TAFA2: variants seen among roughly 807,000 people sequenced by gnomAD.
TAFA2 encodes TAFA chemokine like family member 2, also known as chemokine-like protein TAFA-2.
In TAFA2, 7 loss-of-function variants were observed where a neutral mutation model predicts 18.8. The ratio of observed to expected loss-of-function variants is 0.37; its 90% CI spans 0.21 to 0.70. The LOEUF (loss-of-function observed/expected upper bound fraction) is 0.70, where lower values mean the gene tolerates loss of function less well. Among genes scored for constraint, TAFA2 ranks in the 30% least tolerant of loss-of-function variants. The pLI, the probability that TAFA2 is intolerant of heterozygous loss-of-function variation, is 0.53. For synonymous variants in TAFA2, 60 were observed against 54.2 expected, an observed-to-expected ratio of 1.11 and a Z score of -0.47; for missense variants, 122 against 158.1, an observed-to-expected ratio of 0.77 and a Z score of 1.23.
chr12:62,212,908 A>T (rs887455029), intron 1 of TAFA2, among the ~76,000 whole-genome samples: 8 of 152,238 alleles, frequency 5.3e-5, no homozygotes, highest in Non-Finnish European at 1.2e-4. Flanking sequence ...TATTAACAGA[A>T]GATTAAAACT....
chr12:61,903,946 A>G (rs193158907), intron 1 of TAFA2, among the ~76,000 whole-genome samples: 28 of 152,298 alleles, frequency 1.8e-4, no homozygotes, highest in African/African-American at 6.5e-4. Context: ...GTAGTTTGAG[A>G]AAAATGCCTG....
At chr12:62,040,459 T>C (rs1198728780) in intron 1 of TAFA2, among the ~76,000 whole-genome samples, 2 of 151,950 alleles carry the variant, frequency 1.3e-5, no homozygotes, top group Admixed American at 6.6e-5. Flanking sequence ...TATTTCCTCA[T>C]AGAAAGAGGA....
rs1197679735 is a variant in TAFA2, at chr12:62,153,921, A to ATTATATTATGTTATG, written c.-2+37337_-2+37338insCATAACATAATATAA. Among the ~76,000 whole-genome samples, 166 of 124,126 alleles carry ATTATATTATGTTATG rather than the reference A, an allele frequency of 1.3e-3. 1 individual carries two copies. Among genetic ancestry groups the ATTATATTATGTTATG allele is most frequent in the African/African-American group, 4.8e-3 (153 of 31,562 alleles). 81.4% of individuals were successfully genotyped at this position (124,126 alleles called of 152,430 possible). ...TATACACAGGCATGAACATAACAAAATTATGTTATGTTATGTTATGTTATG... is the reference window on the plus strand; with the variant it reads ...TATACACAGGCATGAACATAACAAAATTATATTATGTTATGTTATGTTATGTTATGTTATGTTATG... On this transcript the variant is annotated intron_variant, in intron 1 of 4. Coordinates refer to ENST00000416284, the MANE Select transcript of TAFA2 (RefSeq NM_178539.5).
At chr12:62,085,230 C>A (rs1211099032) in intron 1 of TAFA2, among the ~76,000 whole-genome samples, 2 of 152,064 alleles carry the variant, frequency 1.3e-5, no homozygotes, top group Non-Finnish European at 2.9e-5. Context: ...TGACATAAAA[C>A]CTAAAGAAAA....
upstream of TAFA2, among the ~76,000 whole-genome samples, chr12:62,194,703 G>A (rs2062641724): frequency 6.6e-6 from 1 of 152,138 alleles, no homozygotes; most frequent in Admixed American, 6.5e-5. Flanking sequence ...AGGAAACAAA[G>A]TAGTAAAGAT....
chr12:61,758,896 T>G (rs937305377), intron 2 of TAFA2, among the ~76,000 whole-genome samples: 2 of 151,968 alleles, frequency 1.3e-5, no homozygotes, highest in East Asian at 1.9e-4. Context: ...GGAAAGATGA[T>G]TAGGGCTTCT....
chr12:62,248,235 G>A (rs2062896194), intron 1 of TAFA2, among the ~76,000 whole-genome samples: 1 of 152,198 alleles, frequency 6.6e-6, no homozygotes, highest in South Asian at 2.1e-4. Flanking sequence ...TCCCAGTGCA[G>A]GGGTGGGCCC....
In TAFA2 at chr12:62,085,165, T is replaced by C. The variant is rs557377270; in HGVS notation, c.-2+106094A>G. On this transcript the variant is annotated intron_variant, in intron 1 of 4. Transcript: ENST00000416284. ...ATATGTTAATAACAATAAAAAGGAC[T>C]GGATTTCTTCAGGCTAAATATAGAA... Among the ~76,000 whole-genome samples the C allele has an allele frequency of 3.3e-5, 5 of 152,320 alleles. No homozygotes were observed. In the East Asian group the frequency reaches 9.7e-4, roughly 29 times the overall value.
At chr12:61,716,643 T>C (rs1869673944) in intron 4 of TAFA2, among the ~76,000 whole-genome samples, 1 of 152,208 alleles carries the variant, frequency 6.6e-6, no homozygotes, top group African/African-American at 2.4e-5. Context: ...TATTAAACAA[T>C]ATTTATATAA....
chr12:61,724,751 ATGTGTGTG>A (rs71083953), intron 4 of TAFA2, among the ~76,000 whole-genome samples: 2,922 of 114,496 alleles, frequency 0.026, 56 homozygotes, highest in East Asian at 0.055. Flanking sequence ...TGGTATGTCT[ATGTGTGTG>A]TGTGTGTGTG....
At chr12:61,879,516 C>A in intron 1 of TAFA2, 1 of 709,108 alleles carries the variant, frequency 1.4e-6, no homozygotes, top group South Asian at 1.5e-5. Context: ...TCACTGCTGT[C>A]ATGGTCAACC....
At chr12:61,747,328 CTGG>C (rs1022733288) in intron 4 of TAFA2, among the ~76,000 whole-genome samples, 1 of 141,118 alleles carries the variant, frequency 7.1e-6, no homozygotes, top group African/African-American at 2.8e-5. Context: ...GGATCTATAA[CTGG>C]AAATACCATT....
At chr12:62,230,752 A>G (rs933017700) in intron 1 of TAFA2, among the ~76,000 whole-genome samples, 3 of 152,176 alleles carry the variant, frequency 2.0e-5, no homozygotes, top group Non-Finnish European at 4.4e-5. Context: ...ATCATGACTT[A>G]GTGTAACTTC....
chr12:62,020,678 C>T (rs1302534692), intron 1 of TAFA2, among the ~76,000 whole-genome samples: 1 of 152,120 alleles, frequency 6.6e-6, no homozygotes, highest in African/African-American at 2.4e-5. Flanking sequence ...AACAGCTACT[C>T]ATTTAAGTTT....
intron 1 of TAFA2, among the ~76,000 whole-genome samples, chr12:62,061,143 C>T (rs1402258613): frequency 1.3e-5 from 2 of 151,992 alleles, no homozygotes; most frequent in East Asian, 3.9e-4. Flanking sequence ...ATCTACAGTG[C>T]CATATAATAA....
intron 3 of TAFA2, among the ~76,000 whole-genome samples, chr12:61,754,053 T>C (rs113955436): frequency 0.011 from 1,703 of 152,164 alleles, 35 homozygotes; most frequent in African/African-American, 0.039. Flanking sequence ...AGGATTTTCA[T>C]GTGAAAATAG....
At chr12:62,160,721 G>A (rs777320462) in intron 1 of TAFA2, among the ~76,000 whole-genome samples, 3 of 152,140 alleles carry the variant, frequency 2.0e-5, no homozygotes, top group African/African-American at 4.8e-5. Context: ...CCATGTCTGC[G>A]TGAGTTATCT....
chr12:61,992,280 A>G (rs753508057), intron 1 of TAFA2, among the ~76,000 whole-genome samples: 44 of 152,070 alleles, frequency 2.9e-4, no homozygotes, highest in Non-Finnish European at 5.1e-4. Flanking sequence ...TGCTACTACC[A>G]CCATATCCCT....
At chr12:62,115,125 T>TAATTTTAATTCTAAGCCTAG (rs199512181) in intron 1 of TAFA2, among the ~76,000 whole-genome samples, 2 of 152,212 alleles carry the variant, frequency 1.3e-5, no homozygotes, top group Non-Finnish European at 2.9e-5. Context: ...TTTTCCATTT[T>TAATTTTAATTCTAAGCCTAG]AATTTTAATT....
Sources: gnomAD v4.1 joint callset for allele counts (sites outside exome capture counted in the v4.1 genomes callset) on GRCh38, gnomAD v4.1.1 for gene constraint, MANE v1.5 for transcripts, NCBI Gene and HGNC (gene_info 2026-07-23, HGNC 2026-07-21) for gene names.